CADM2: variants seen among roughly 807,000 people sequenced by gnomAD.
CADM2 encodes cell adhesion molecule 2.
Under a neutral mutation model 49.8 loss-of-function variants are expected in CADM2, and 12 were observed. The observed-to-expected ratio is 0.24, with a 90% CI of 0.15 to 0.39. The LOEUF (loss-of-function observed/expected upper bound fraction) is 0.39. Ranked by LOEUF, CADM2 falls within the 10% of genes least tolerant of loss-of-function variation. The pLI, the probability that CADM2 is intolerant of heterozygous loss-of-function variation, is 1.00. For synonymous variants in CADM2, 214 were observed against 175.4 expected (o/e 1.22, Z -1.74); for missense variants, 378 against 492.3 (o/e 0.77, Z 2.20).
intron 7 of CADM2, among the ~76,000 whole-genome samples, chr3:85,944,840 T>G (rs144421020): frequency 0.033 from 5,074 of 151,824 alleles, 286 homozygotes; most frequent in African/African-American, 0.12. Context: ...GATCTAAAAT[T>G]GACACCCTAA....
intron 1 of CADM2, among the ~76,000 whole-genome samples, chr3:85,395,831 G>A (rs554034379): frequency 1.3e-5 from 2 of 151,436 alleles, no homozygotes; most frequent in Non-Finnish European, 3.0e-5. Flanking sequence ...ATTCAAGATT[G>A]GATGTTGTAT....
chr3:86,007,121 A>G (rs1446836108), intron 8 of CADM2, among the ~76,000 whole-genome samples: 1 of 86,080 alleles, frequency 1.2e-5, no homozygotes, highest in Non-Finnish European at 2.2e-5. Flanking sequence ...CCCCCTCACC[A>G]TTATCTCTCT....
intron 1 of CADM2, among the ~76,000 whole-genome samples, chr3:85,008,583 C>G (rs1046531073): frequency 6.6e-6 from 1 of 150,506 alleles, no homozygotes; most frequent in African/African-American, 2.5e-5. Flanking sequence ...GAAGTAGGAA[C>G]GGAGAAGAGA....
intron 1 of CADM2, among the ~76,000 whole-genome samples, chr3:85,488,530 G>C (rs564392394): frequency 6.6e-6 from 1 of 151,834 alleles, no homozygotes; most frequent in East Asian, 1.9e-4. Flanking sequence ...TTTTTGTTTT[G>C]TTTTGTTTTG....
intron 1 of CADM2, among the ~76,000 whole-genome samples, chr3:85,511,114 A>C (rs1171584414): frequency 1.3e-5 from 2 of 152,098 alleles, no homozygotes; most frequent in East Asian, 3.8e-4. Flanking sequence ...CAGTTGATGT[A>C]AACTACCCCG....
intron 1 of CADM2, among the ~76,000 whole-genome samples, chr3:85,121,430 G>A (rs568165312): frequency 6.6e-5 from 10 of 152,226 alleles, no homozygotes; most frequent in East Asian, 3.9e-4. Flanking sequence ...AGAAGGGTAG[G>A]TAAGTGACAA....
chr3:86,017,489 G>A (rs1427922579), intron 8 of CADM2, among the ~76,000 whole-genome samples: 1 of 151,952 alleles, frequency 6.6e-6, no homozygotes, highest in Non-Finnish European at 1.5e-5. Flanking sequence ...CCAGCATTTT[G>A]GGAGGCCAAG....
intron 1 of CADM2, among the ~76,000 whole-genome samples, chr3:85,605,988 T>C (rs1424692327): frequency 6.6e-6 from 1 of 152,048 alleles, no homozygotes; most frequent in East Asian, 1.9e-4. Flanking sequence ...CAGATTTGCC[T>C]TCTTTCCTGT....
chr3:85,865,566 G>A (rs2075692087), intron 3 of CADM2, among the ~76,000 whole-genome samples: 1 of 152,170 alleles, frequency 6.6e-6, no homozygotes, highest in South Asian at 2.1e-4. Context: ...TTAGTGCACT[G>A]CACTGACATT....
At position 85,652,772 on chromosome 3, in the gene CADM2, CTTTTTTTTTTT is replaced by C. The variant is rs34756757; in HGVS notation, c.62-73736_62-73726del. Among the ~76,000 whole-genome samples the C allele has an allele frequency of 1.1e-3, 54 of 50,788 alleles. 1 individual carries two copies. Among genetic ancestry groups the C allele is most frequent in the Non-Finnish European group, 1.6e-3 (46 of 28,902 alleles). The allele number at this position is 50,788 out of a possible 152,430, so 33.3% of individuals were successfully genotyped here. The stretch of plus-strand genomic sequence containing the variant: ...TAACCTGAAAATCTTTTTTTCTTTT[CTTTTTTTTTTT>C]TTTTTTTTTTTTTAGACAGAGTCTT... On this transcript the variant is annotated intron_variant, in intron 1 of 9. Transcript: ENST00000383699.
chr3:84,972,384 T>G (rs1397945839), intron 1 of CADM2, among the ~76,000 whole-genome samples: 1 of 152,244 alleles, frequency 6.6e-6, no homozygotes, highest in African/African-American at 2.4e-5. Flanking sequence ...CATTGTTTAG[T>G]GCTTAAGGAT....
At chr3:85,779,454 C>T (rs762354346) in intron 2 of CADM2, among the ~76,000 whole-genome samples, 1 of 152,050 alleles carries the variant, frequency 6.6e-6, no homozygotes, top group Non-Finnish European at 1.5e-5. Context: ...TCAGCATGGT[C>T]GGGAGGCCTC....
At chr3:85,947,962 T>C (rs1299573835) in intron 7 of CADM2, among the ~76,000 whole-genome samples, 1 of 151,584 alleles carries the variant, frequency 6.6e-6, no homozygotes, top group Non-Finnish European at 1.5e-5. Flanking sequence ...TATGTAAATA[T>C]TCACTGGAAA....
chr3:85,829,696 G>A (rs907892803), intron 3 of CADM2, among the ~76,000 whole-genome samples: 1 of 151,722 alleles, frequency 6.6e-6, no homozygotes, highest in East Asian at 1.9e-4. Flanking sequence ...TCCCAGTCCC[G>A]GGTAACCACT....
intron 1 of CADM2, among the ~76,000 whole-genome samples, chr3:85,706,953 A>G (rs1260659025): frequency 1.3e-5 from 2 of 152,096 alleles, no homozygotes; most frequent in African/African-American, 2.4e-5. Context: ...CTATACAAGT[A>G]TAAGTGTACC....
intron 7 of CADM2, among the ~76,000 whole-genome samples, chr3:85,958,626 T>C (rs147266995): frequency 1.3e-5 from 2 of 152,078 alleles, no homozygotes; most frequent in East Asian, 3.9e-4. Context: ...CTGTTTACAA[T>C]AGCAAAGACT....
At chr3:85,247,773 AG>A (rs1448212555) in intron 1 of CADM2, among the ~76,000 whole-genome samples, 1 of 152,160 alleles carries the variant, frequency 6.6e-6, no homozygotes, top group Non-Finnish European at 1.5e-5. Flanking sequence ...GTGTCATGAT[AG>A]GTAACTGAAA....
intron 1 of CADM2, among the ~76,000 whole-genome samples, chr3:85,626,792 A>G (rs2064143471): frequency 6.6e-6 from 1 of 152,020 alleles, no homozygotes; most frequent in Non-Finnish European, 1.5e-5. Context: ...TCTTTTCTAA[A>G]AGGCTGTTAG....
chr3:85,074,203 C>A (rs538210587), intron 1 of CADM2, among the ~76,000 whole-genome samples: 16 of 152,228 alleles, frequency 1.1e-4, no homozygotes, highest in African/African-American at 3.9e-4. Flanking sequence ...AAACCCTCCA[C>A]ATACTCTCCT....
Sources: allele counts gnomAD v4.1 joint callset (sites outside exome capture counted in the v4.1 genomes callset), GRCh38; gene constraint gnomAD v4.1.1; transcripts MANE v1.5; gene names NCBI Gene and HGNC (gene_info 2026-07-23, HGNC 2026-07-21).